The following TTC21B variants were observed in gnomAD, a reference collection of about 807,000 sequenced individuals.
The protein encoded by TTC21B is tetratricopeptide repeat domain 21B.
Under a neutral mutation model 175.1 loss-of-function variants are expected in TTC21B, and 127 were observed. That is an observed-to-expected ratio of 0.73 (90% CI 0.63 to 0.84). The LOEUF is 0.84. Among genes scored for constraint, TTC21B ranks in the 40% least tolerant of loss-of-function variants. The probability of loss-of-function intolerance (pLI) is 0.00; values close to 1 mark genes in which losing one functional copy is unlikely to be tolerated. For synonymous variants in TTC21B, 524 were observed against 524.5 expected, an observed-to-expected ratio of 1.00 and a Z score of 0.01; for missense variants, 1,561 against 1,558.3, an observed-to-expected ratio of 1.00 and a Z score of -0.03.
chr2:165,890,041 T>C (rs1053373362), intron 24 of TTC21B, among the ~76,000 whole-genome samples: 5 of 152,166 alleles, frequency 3.3e-5, no homozygotes, highest in African/African-American at 1.2e-4. Flanking sequence ...ATTAAACAAG[T>C]TGACTCAGCT....
intron 28 of TTC21B, among the ~76,000 whole-genome samples, 193 bp from the exon 29 acceptor site, chr2:165,875,025 G>C (rs1684620452): frequency 6.6e-6 from 1 of 152,008 alleles, no homozygotes; most frequent in Admixed American, 6.6e-5. Context: ...AGTTAGATGA[G>C]AACAATAGAA....
At chr2:165,888,150 T>C (rs1685070986) in intron 25 of TTC21B, 129 bp downstream of exon 25, 6 of 729,748 alleles carry the variant, frequency 8.2e-6, no homozygotes, top group African/African-American at 7.1e-5. Flanking sequence ...TGCCCAACTA[T>C]ATACCTAATT....
chr2:165,910,489 A>C (rs1244484115), intron 18 of TTC21B, among the ~76,000 whole-genome samples: 1 of 152,180 alleles, frequency 6.6e-6, no homozygotes, highest in Non-Finnish European at 1.5e-5. Flanking sequence ...TACATGCACA[A>C]AATCTCCAGC....
chr2:165,887,823 T>C (rs1205969943), intron 25 of TTC21B, among the ~76,000 whole-genome samples: 1 of 152,244 alleles, frequency 6.6e-6, no homozygotes, highest in African/African-American at 2.4e-5. Context: ...AAGAATATCA[T>C]TATTTGTATG....
chr2:165,945,695 T>C lies in TTC21B; in HGVS notation c.263-5A>G, dbSNP rs766862479. 1 of 1,612,044 alleles carries C rather than the reference T, an allele frequency of 6.2e-7. No individual in the cohort carries two copies. Among genetic ancestry groups the C allele is most frequent in the Non-Finnish European group, 8.5e-7 (1 of 1,179,272 alleles). On this transcript the variant is annotated splice_polypyrimidine_tract_variant and splice_region_variant and intron_variant, in intron 3 of 28. Coordinates refer to ENST00000243344, the MANE Select transcript of TTC21B (RefSeq NM_024753.5). Reference sequence around the variant, plus strand: ...ATTCCAGAATAGCTTCTCTATCTGGTAGGGGAAAATGATATTAAATAAAAA... The same window carrying C: ...ATTCCAGAATAGCTTCTCTATCTGGCAGGGGAAAATGATATTAAATAAAAA...
chr2:165,925,778 T>C (rs1686603365), intron 11 of TTC21B, among the ~76,000 whole-genome samples: 1 of 152,190 alleles, frequency 6.6e-6, no homozygotes, highest in African/African-American at 2.4e-5. Flanking sequence ...TACGGGTTTT[T>C]ATGTGTCTTG....
Position 165,924,680 on chromosome 2 carries a change from T to C in TTC21B, c.1387-2A>G, listed in dbSNP as rs768414080. On this transcript the variant is annotated splice_acceptor_variant, in intron 11 of 28. Transcript: ENST00000243344. LOFTEE classifies it high-confidence loss of function. ...AAGAGGTTGCCCAGGACTTGCAGGC[T>C]AAACAAAACAAATCAGCAGATCATT... The C allele has an allele frequency of 6.2e-7, 1 of 1,613,158 alleles. No homozygotes were observed. Among genetic ancestry groups the C allele is most frequent in the South Asian group, 1.1e-5 (1 of 91,006 alleles).
intron 27 of TTC21B, among the ~76,000 whole-genome samples, chr2:165,877,690 T>C (rs1349443005): frequency 6.6e-6 from 1 of 152,184 alleles, no homozygotes; most frequent in Non-Finnish European, 1.5e-5. Context: ...CATATATATA[T>C]GTGTGTATGT....
chr2:165,953,630 G>T lies in TTC21B; in HGVS notation c.21+55C>A, dbSNP rs569894024. On this transcript the variant is annotated intron_variant, in intron 1 of 28. Coordinates refer to ENST00000243344, the MANE Select transcript of TTC21B (RefSeq NM_024753.5). ...CTCCGCGCCCCCGGGCCAAAAGGCCGCAAAGGAACTCCGCCCGCCCGCCCG... is the reference window on the plus strand; with the variant it reads ...CTCCGCGCCCCCGGGCCAAAAGGCCTCAAAGGAACTCCGCCCGCCCGCCCG... The T allele has an allele frequency of 8.4e-5, 121 of 1,432,006 alleles. No homozygotes were observed. In the African/African-American group the frequency reaches 2.1e-3, roughly 25 times the overall value. 88.7% of individuals were successfully genotyped at this position (1,432,006 alleles called of 1,614,324 possible). A position where few individuals can be genotyped will look rare whatever the true frequency, so the allele number is the denominator to read the frequency against.
intron 22 of TTC21B, among the ~76,000 whole-genome samples, chr2:165,896,275 C>T (rs531207428): frequency 2.0e-5 from 3 of 152,198 alleles, no homozygotes; most frequent in East Asian, 1.9e-4. Context: ...ACAGTTCCCA[C>T]CTCTTTCTTT....
In TTC21B at chr2:165,949,629, G is replaced by A; in HGVS notation, c.117C>T (p.Phe39=). 6.2e-7 allele frequency: 1 copy of A among 1,613,634 alleles called. No homozygotes were observed. Among genetic ancestry groups the A allele is most frequent in the East Asian group, 2.2e-5 (1 of 44,784 alleles). ...GIKRYGSDPV[F]RFYHAYGTLM... ...ATGTGCCATAGGCATGATAAAACCT[G>A]AAGACTGGATCACTTCCATACCTCT... Residue 39 remains phenylalanine (F), a synonymous_variant, in exon 2 of 29, where the codon TTC becomes TTT. Coordinates refer to ENST00000243344, the MANE Select transcript of TTC21B (RefSeq NM_024753.5).
intron 27 of TTC21B, among the ~76,000 whole-genome samples, chr2:165,877,385 G>A (rs1684699710): frequency 6.6e-6 from 1 of 152,184 alleles, no homozygotes; most frequent in Admixed American, 6.5e-5. Context: ...ACTGCATGAT[G>A]ATGTTTCATT....
At position 165,899,895 on chromosome 2, in the gene TTC21B, G is replaced by A; in HGVS notation, c.2758-15C>T. The A allele has an allele frequency of 1.3e-6, 2 of 1,497,856 alleles. No homozygotes were observed. Among genetic ancestry groups the A allele is most frequent in the African/African-American group, 1.4e-5 (1 of 72,372 alleles). The allele number at this position is 1,497,856 out of a possible 1,614,324, so 92.8% of individuals were successfully genotyped here. The stretch of plus-strand genomic sequence containing the variant: ...TCCAACATAATCTGTAGAGCAAAGG[G>A]CTAGATTCATCAGACACTGTATAGA... On this transcript the variant is annotated splice_polypyrimidine_tract_variant and intron_variant, in intron 20 of 28. Transcript: ENST00000243344.
At chr2:165,909,845 A>G (rs1685869782) in intron 18 of TTC21B, among the ~76,000 whole-genome samples, 1 of 152,236 alleles carries the variant, frequency 6.6e-6, no homozygotes, top group Admixed American at 6.5e-5. Flanking sequence ...GAAGAGCTAT[A>G]TTTCTAACAA....
intron 22 of TTC21B, among the ~76,000 whole-genome samples, chr2:165,894,434 G>A (rs535080124): frequency 1.6e-4 from 24 of 152,208 alleles, no homozygotes; most frequent in African/African-American, 5.1e-4. Flanking sequence ...TAAAATGAAC[G>A]GAGATGCATG....
chr2:165,878,029 G>C (rs957767711), intron 27 of TTC21B, among the ~76,000 whole-genome samples: 1 of 152,136 alleles, frequency 6.6e-6, no homozygotes, highest in Non-Finnish European at 1.5e-5. Context: ...CAAGTGGCTT[G>C]AGCTGTCATT....
intron 11 of TTC21B, among the ~76,000 whole-genome samples, chr2:165,927,072 A>ATATATATATGTG (rs1553513512): frequency 7.5e-5 from 1 of 13,352 alleles, no homozygotes; most frequent in African/African-American, 1.9e-4. Context: ...TAGTAGATAT[A>ATATATATATGTG]TATATATATA....
At chr2:165,890,792 A>G (rs1187351187) in intron 23 of TTC21B, 46 bp downstream of exon 23, 1 of 1,592,676 alleles carries the variant, frequency 6.3e-7, no homozygotes, top group Admixed American at 1.7e-5. Flanking sequence ...CTTGATTTAC[A>G]ATGAGAAAAA....
intron 25 of TTC21B, among the ~76,000 whole-genome samples, chr2:165,884,533 C>G (rs1037367948): frequency 6.6e-6 from 1 of 152,118 alleles, no homozygotes; most frequent in African/African-American, 2.4e-5. Flanking sequence ...CCAAAAACCT[C>G]TTCTCCCAAT....
Sources: gnomAD v4.1 joint callset for allele counts (sites outside exome capture counted in the v4.1 genomes callset) on GRCh38, gnomAD v4.1.1 for gene constraint, MANE v1.5 for transcripts, NCBI Gene and HGNC (gene_info 2026-07-23, HGNC 2026-07-21) for gene names.